TMEM160: variants seen among roughly 807,000 people sequenced by gnomAD.
TMEM160 encodes the protein transmembrane protein 160.
TMEM160 carries 10 observed loss-of-function variants against 13.9 expected under a neutral mutation model. That is an observed-to-expected ratio of 0.72 (90% CI 0.45 to 1.22). The LOEUF (loss-of-function observed/expected upper bound fraction) is 1.22, where lower values mean the gene tolerates loss of function less well. Among genes scored for constraint, TMEM160 ranks in the 50% most tolerant of loss-of-function variants. The pLI is 0.00. For synonymous variants in TMEM160, 159 were observed against 134.8 expected (o/e 1.18, Z -1.25); for missense variants, 287 against 283.2 (o/e 1.01, Z -0.10).
rs757076425 is a variant in TMEM160, at chr19:47,048,404, G to A, written c.208+3C>T. 3 of 1,488,360 alleles carry A rather than the reference G, an allele frequency of 2.0e-6. No individual in the cohort carries two copies. Among genetic ancestry groups the A allele is most frequent in the South Asian group, 1.3e-5 (1 of 79,924 alleles). 92.2% of individuals were successfully genotyped at this position (1,488,360 alleles called of 1,614,324 possible). A position where few individuals can be genotyped will look rare whatever the true frequency, so the allele number is the denominator to read the frequency against. On this transcript the variant is annotated splice_donor_region_variant and intron_variant, in intron 1 of 2. Coordinates refer to ENST00000253047, the MANE Select transcript of TMEM160 (RefSeq NM_017854.2). ...CGCACCGCCCCCACCCCTAGCCACCGACCTGTCTCGTGCGCTTTTCGGAGG... is the reference window on the plus strand; with the variant it reads ...CGCACCGCCCCCACCCCTAGCCACCAACCTGTCTCGTGCGCTTTTCGGAGG...
intron 1 of TMEM160, 140 bp from the exon 2 acceptor site, chr19:47,046,825 C>A: frequency 1.5e-6 from 1 of 662,574 alleles, no homozygotes; most frequent in South Asian, 1.7e-5. Context: ...CCCAAATCCT[C>A]ACCTCTTCCA....
rs754291804 is a variant in TMEM160, at chr19:47,046,195, C to T, written c.359G>A (p.Gly120Asp). The T allele has an allele frequency of 2.0e-6, 3 of 1,525,856 alleles. No homozygotes were observed. Among genetic ancestry groups the T allele is most frequent in the Non-Finnish European group, 2.6e-6 (3 of 1,143,212 alleles). The allele number at this position is 1,525,856 out of a possible 1,614,324, so 94.5% of individuals were successfully genotyped here. A position where few individuals can be genotyped will look rare whatever the true frequency, so the allele number is the denominator to read the frequency against. Reference sequence around the variant, plus strand: ...CATGGGTCCTCGCAGCGCCGCCAGGCCCACGGCGTACGAGGCGCTGCCCCA... The same window carrying T: ...CATGGGTCCTCGCAGCGCCGCCAGGTCCACGGCGTACGAGGCGCTGCCCCA... Reference protein sequence around the residue: ...VVWGSASYAVGLAALRGPMQL... With the variant: ...VVWGSASYAVDLAALRGPMQL... The change falls in exon 3 of 3, where the codon GGC becomes GAC. Residue 120 changes from glycine to aspartate, a missense_variant. Transcript: ENST00000253047.
rs2057075588 is a variant in TMEM160 at position 47,045,909 on chromosome 19, TGGA to T, written c.*75_*77del. 7.1e-7 allele frequency: 1 copy of T among 1,412,754 alleles called. No homozygotes were observed. The highest frequency in any genetic ancestry group is 9.3e-7 in the Non-Finnish European group (1 of 1,078,452). The allele number at this position is 1,412,754 out of a possible 1,614,324, so 87.5% of individuals were successfully genotyped here. ...GGAACACGAACCAATACTCTGCATCTGGAGGAGGGGAGGTCAGGTTTAATGTCC... is the reference window on the plus strand; with the variant it reads ...GGAACACGAACCAATACTCTGCATCTGGAGGGGAGGTCAGGTTTAATGTCC... On this transcript the variant is annotated 3_prime_UTR_variant, in exon 3 of 3. Transcript: ENST00000253047.
At position 47,046,321 on chromosome 19, in the gene TMEM160, G is replaced by A. The variant is rs964908864; in HGVS notation, c.302-69C>T. The A allele has an allele frequency of 2.7e-6, 4 of 1,486,994 alleles. No homozygotes were observed. In the African/African-American group the frequency reaches 4.2e-5, roughly 16 times the overall value. The allele number at this position is 1,486,994 out of a possible 1,614,324, so 92.1% of individuals were successfully genotyped here. A position where few individuals can be genotyped will look rare whatever the true frequency, so the allele number is the denominator to read the frequency against. On this transcript the variant is annotated intron_variant, in intron 2 of 2. Transcript: ENST00000253047. ...GGTCTGGGAGCAAAGCCAGGGTTGA[G>A]GAGACAGGAACAGAGGCAGGGCCGT...
In TMEM160 at chr19:47,046,603, TTC is replaced by T; in HGVS notation, c.289_290del (p.Glu97SerfsTer83). 6.2e-7 allele frequency: 1 copy of T among 1,613,086 alleles called. No homozygotes were observed. The highest frequency in any genetic ancestry group is 8.5e-7 in the Non-Finnish European group (1 of 1,179,586). ...GGGGTCTGCACTCACCATATGCTGC[TTC>T]CCGACCCATGTCACTCTGCATGAAG... ...ISFMQSDMGR[E>X]AAYGFFLLGG... On this transcript the variant is annotated frameshift_variant, in exon 2 of 3. Coordinates refer to ENST00000253047, the MANE Select transcript of TMEM160 (RefSeq NM_017854.2). LOFTEE classifies it high-confidence loss of function.
chr19:47,047,013 C>T (rs1351929802), intron 1 of TMEM160, among the ~76,000 whole-genome samples: 14 of 152,156 alleles, frequency 9.2e-5, no homozygotes, highest in Non-Finnish European at 1.9e-4. Flanking sequence ...AGTTTGAGAC[C>T]AGCCTGGCCA....
chr19:47,048,390 C>A lies in TMEM160; in HGVS notation c.208+17G>T, dbSNP rs1302485262. 4.7e-6 allele frequency: 7 copies of A among 1,491,180 alleles called. No individual in the cohort carries two copies. The East Asian group carries it at 1.7e-4, about 35-fold the overall frequency. The allele number at this position is 1,491,180 out of a possible 1,614,324, so 92.4% of individuals were successfully genotyped here. A position where few individuals can be genotyped will look rare whatever the true frequency, so the allele number is the denominator to read the frequency against. ...ACCCCCGTCCCATCCGCACCGCCCC[C>A]ACCCCTAGCCACCGACCTGTCTCGT... On this transcript the variant is annotated intron_variant, in intron 1 of 2. Transcript: ENST00000253047.
Position 47,046,207 on chromosome 19 carries a change from G to A in TMEM160, c.347C>T (p.Ser116Leu). The change falls in exon 3 of 3, where the codon TCG becomes TTG. Residue 116 changes from serine to leucine, a missense_variant. By Grantham distance (145) the Ser-to-Leu change is moderately radical. Coordinates refer to ENST00000253047, the MANE Select transcript of TMEM160 (RefSeq NM_017854.2). ...CAGCGCCGCCAGGCCCACGGCGTAC[G>A]AGGCGCTGCCCCACACCACGCACAG... ...GGLCVVWGSASYAVGLAALRG... is the reference protein window; with the variant it reads ...GGLCVVWGSALYAVGLAALRG... The A allele has an allele frequency of 6.5e-7, 1 of 1,531,872 alleles. No homozygotes were observed. The highest frequency in any genetic ancestry group is 8.7e-7 in the Non-Finnish European group (1 of 1,145,442). The allele number at this position is 1,531,872 out of a possible 1,614,324, so 94.9% of individuals were successfully genotyped here.
intron 1 of TMEM160, chr19:47,047,996 A>C: frequency 2.2e-6 from 2 of 900,938 alleles, no homozygotes; most frequent in Non-Finnish European, 2.7e-6. Context: ...CCCTTCTCCA[A>C]TCCTGAACTT....
rs536072792 is a variant in TMEM160, at chr19:47,047,958, G to A, written c.208+449C>T. The A allele has an allele frequency of 2.3e-5, 23 of 983,982 alleles. No individual in the cohort carries two copies. In the South Asian group the frequency reaches 8.5e-4, roughly 36 times the overall value. 61.0% of individuals were successfully genotyped at this position (983,982 alleles called of 1,614,324 possible). ...CCTAGATCACCTCCCCCTCCAATCA[G>A]CAGAGAGCTTTCTCCCGATTGGTTG... is the stretch of plus-strand genomic sequence containing the variant. On this transcript the variant is annotated intron_variant, in intron 1 of 2. Transcript: ENST00000253047.
Position 47,045,953 on chromosome 19 carries a change from G to A in TMEM160, c.*34C>T. The A allele has an allele frequency of 6.6e-7, 1 of 1,516,432 alleles. No homozygotes were observed. The highest frequency in any genetic ancestry group is 8.8e-7 in the Non-Finnish European group (1 of 1,139,840). The allele number at this position is 1,516,432 out of a possible 1,614,324, so 93.9% of individuals were successfully genotyped here. A position where few individuals can be genotyped will look rare whatever the true frequency, so the allele number is the denominator to read the frequency against. Reference sequence around the variant, plus strand: ...TTTAATGTCCCAGTCCTCGGGCGCTGTCCAGCGCCTGCCAGGCCCCACGGC... The same window carrying A: ...TTTAATGTCCCAGTCCTCGGGCGCTATCCAGCGCCTGCCAGGCCCCACGGC... On this transcript the variant is annotated 3_prime_UTR_variant, in exon 3 of 3. Transcript: ENST00000253047.
chr19:47,046,131 GGCGCCCGCGCCC>G lies in TMEM160; in HGVS notation c.411_422del (p.Gly138_Ala141del), dbSNP rs1568514131. On this transcript the variant is annotated inframe_deletion, in exon 3 of 3. Transcript: ENST00000253047. ...CCCAGAGCAGGCTGGCGGCCAGCACGGCGCCCGCGCCCACGGCCGCGCCCCCCAGCGTCAGCT... is the reference window on the plus strand; with the variant it reads ...CCCAGAGCAGGCTGGCGGCCAGCACGACGGCCGCGCCCCCCAGCGTCAGCT... The G allele has an allele frequency of 4.7e-6, 7 of 1,489,388 alleles. No individual in the cohort carries two copies. The highest frequency in any genetic ancestry group is 5.3e-6 in the Non-Finnish European group (6 of 1,127,850). The allele number at this position is 1,489,388 out of a possible 1,614,324, so 92.3% of individuals were successfully genotyped here.
At chr19:47,046,356 T>C (rs2057079863) in intron 2 of TMEM160, 104 bp from the exon 3 acceptor site, 1 of 1,355,050 alleles carries the variant, frequency 7.4e-7, no homozygotes, top group Non-Finnish European at 9.8e-7. Context: ...TGCCAGGGGC[T>C]AGCCTGCATC....
In TMEM160 at chr19:47,047,783, C is replaced by A. The variant is rs1599931625; in HGVS notation, c.208+624G>T. The A allele has an allele frequency of 7.5e-6, 5 of 665,176 alleles. 1 individual carries two copies. In the South Asian group the frequency reaches 3.4e-4, roughly 45 times the overall value. 41.2% of individuals were successfully genotyped at this position (665,176 alleles called of 1,614,324 possible). A position where few individuals can be genotyped will look rare whatever the true frequency, so the allele number is the denominator to read the frequency against. On this transcript the variant is annotated intron_variant, in intron 1 of 2. Coordinates refer to ENST00000253047, the MANE Select transcript of TMEM160 (RefSeq NM_017854.2). ...ATAGCTTGAGCCCAGGAGTTCAAGG[C>A]TGCAGTGGGCTACGATTGCGCCACT...
At chr19:47,046,510 GGA>G in intron 2 of TMEM160, 81 bp downstream of exon 2, 1 of 1,204,208 alleles carries the variant, frequency 8.3e-7, no homozygotes, top group Non-Finnish European at 1.2e-6. Flanking sequence ...GGATGGGGTA[GGA>G]GAGTCTACTC....
chr19:47,046,515 G>T (rs1378675628), intron 2 of TMEM160, 78 bp downstream of exon 2: 2 of 1,257,582 alleles, frequency 1.6e-6, no homozygotes, highest in African/African-American at 2.9e-5. Context: ...GGGTAGGAGA[G>T]TCTACTCTCA....
intron 1 of TMEM160, chr19:47,047,217 A>AG (rs1441005083): frequency 1.0e-6 from 1 of 978,050 alleles, no homozygotes; most frequent in African/African-American, 1.8e-5. Context: ...CTCAAAAAAA[A>AG]TAAAGGATTC....
intron 2 of TMEM160, 139 bp from the exon 3 acceptor site, chr19:47,046,391 G>T: frequency 8.4e-7 from 1 of 1,184,180 alleles, no homozygotes; most frequent in Non-Finnish European, 1.2e-6. Context: ...CGGAGGGGAG[G>T]GGACCATAAC....
rs906253622 is a variant in TMEM160 at position 47,048,572 on chromosome 19, G to C, written c.43C>G (p.Arg15Gly). The C allele has an allele frequency of 5.3e-6, 8 of 1,520,074 alleles. No homozygotes were observed. The highest frequency in any genetic ancestry group is 2.3e-4 in the Middle Eastern group (1 of 4,320). The allele number at this position is 1,520,074 out of a possible 1,614,324, so 94.2% of individuals were successfully genotyped here. Residue 15 changes from arginine to glycine, a missense_variant, in exon 1 of 3, where the codon CGT (arginine) becomes GGT (glycine). Transcript: ENST00000253047. ...WWWARAARLA[R>G]LRFRRSLLPP... Reference sequence around the variant, plus strand: ...AGTAGCGACCTCCGGAAGCGAAGACGGGCAAGGCGAGCGGCCCGAGCCCAC... The same window carrying C: ...AGTAGCGACCTCCGGAAGCGAAGACCGGCAAGGCGAGCGGCCCGAGCCCAC...
Sources: gnomAD v4.1 joint callset for allele counts (sites outside exome capture counted in the v4.1 genomes callset) on GRCh38, gnomAD v4.1.1 for gene constraint, MANE v1.5 for transcripts, NCBI Gene and HGNC (gene_info 2026-07-23, HGNC 2026-07-21) for gene names.